The following PP2D1 variants were observed in gnomAD, a reference collection of about 807,000 sequenced individuals.
PP2D1 encodes the protein protein phosphatase 2C-like domain-containing protein 1.
Under a neutral mutation model 30.2 loss-of-function variants are expected in PP2D1, and 25 were observed. The ratio of observed to expected loss-of-function variants is 0.83; its 90% CI spans 0.60 to 1.16. The LOEUF is 1.16. Among genes scored for constraint, PP2D1 ranks in the 50% most tolerant of loss-of-function variants. The pLI is 0.00. For synonymous variants in PP2D1, 260 were observed against 258.9 expected (o/e 1.00, Z -0.04); for missense variants, 760 against 742.4 (o/e 1.02, Z -0.28).
rs560011573 is a variant in PP2D1, at chr3:19,989,072, G to A, written c.1091-2890C>T. Among the ~76,000 whole-genome samples the A allele has an allele frequency of 3.3e-5, 5 of 152,302 alleles. No homozygotes were observed. In the South Asian group the frequency reaches 1.0e-3, roughly 32 times the overall value. ...ATTGGTGGCCAGTGTGGTGGCTCAT[G>A]CCTGTAATTGCAGCACTCTGGGAGG... On this transcript the variant is annotated intron_variant, in intron 2 of 2. Transcript: ENST00000389050.
At chr3:19,991,084 C>G (rs575984644) in intron 2 of PP2D1, among the ~76,000 whole-genome samples, 1 of 152,252 alleles carries the variant, frequency 6.6e-6, no homozygotes, top group Admixed American at 6.5e-5. Context: ...AGATTGCGCT[C>G]TTCAGAAAAT....
At chr3:20,002,987 G>A (rs1269630906) in intron 1 of PP2D1, among the ~76,000 whole-genome samples, 5 of 151,890 alleles carry the variant, frequency 3.3e-5, no homozygotes, top group Non-Finnish European at 5.9e-5. Flanking sequence ...CCTGGGAGAC[G>A]GAGGTTGCAG....
In PP2D1 at chr3:20,001,788, T is replaced by C; in HGVS notation, c.332A>G (p.Gln111Arg). ...TGACAATAGTTTAGAAATCATGAAC[T>C]GTCTCTGAACAGCAATCACTGAGGG... ...PQPSVIAVQR[Q>R]FMISKLLSSF... The change falls in exon 2 of 3, where the codon CAG becomes CGG. Residue 111 changes from glutamine to arginine, a missense_variant. Physicochemically the swap from Gln to Arg is conservative, Grantham distance 43 (BLOSUM62 1). Coordinates refer to ENST00000389050, the MANE Select transcript of PP2D1 (RefSeq NM_001252657.2). 6.5e-7 allele frequency: 1 copy of C among 1,534,464 alleles called. No homozygotes were observed. The highest frequency in any genetic ancestry group is 8.7e-7 in the Non-Finnish European group (1 of 1,146,378).
Position 20,001,739 on chromosome 3 carries a change from G to A in PP2D1, c.381C>T (p.Thr127=), listed in dbSNP as rs770147141. ...LLSSFMFTEK[T]LQSINNAFEL... is the part of the protein sequence containing the mutation. ...CAAAAGCATTATTAATGCTCTGTAGGGTTTTTTCAGTGAACATAAAAGATG... is the reference window on the plus strand; with the variant it reads ...CAAAAGCATTATTAATGCTCTGTAGAGTTTTTTCAGTGAACATAAAAGATG... Residue 127 remains threonine, a synonymous_variant, in exon 2 of 3, where the codon ACC becomes ACT. Coordinates refer to ENST00000389050, the MANE Select transcript of PP2D1 (RefSeq NM_001252657.2). 1 of 1,531,382 alleles carries A rather than the reference G, an allele frequency of 6.5e-7. No homozygotes were observed. The highest frequency in any genetic ancestry group is 1.2e-5 in the South Asian group (1 of 83,490). The allele number at this position is 1,531,382 out of a possible 1,614,324, so 94.9% of individuals were successfully genotyped here.
chr3:19,981,442 CG>C (rs1341645521), downstream of PP2D1, among the ~76,000 whole-genome samples: 1 of 151,854 alleles, frequency 6.6e-6, no homozygotes, highest in Non-Finnish European at 1.5e-5. Flanking sequence ...GTCGAAACCC[CG>C]TCTCTACTAA....
intron 2 of PP2D1, among the ~76,000 whole-genome samples, chr3:19,992,212 A>G (rs1484319797): frequency 2.0e-5 from 3 of 152,176 alleles, no homozygotes; most frequent in Admixed American, 6.5e-5. Context: ...CATGAAATTC[A>G]TGTCCATTGT....
In PP2D1 at chr3:20,012,118, C is replaced by T. The variant is rs1379569443; in HGVS notation, c.-46G>A. The T allele has an allele frequency of 2.7e-6, 4 of 1,483,110 alleles. No individual in the cohort carries two copies. The highest frequency in any genetic ancestry group is 3.6e-6 in the Non-Finnish European group (4 of 1,102,682). The allele number at this position is 1,483,110 out of a possible 1,614,324, so 91.9% of individuals were successfully genotyped here. ...CTTTGCCCTCCCTTTATCCCCTTCC[C>T]CTGGCCTCTATTTCTCCAACTTGAG... On this transcript the variant is annotated 5_prime_UTR_variant, in exon 1 of 3. Coordinates refer to ENST00000389050, the MANE Select transcript of PP2D1 (RefSeq NM_001252657.2).
chr3:19,993,802 C>T (rs1370553265), intron 2 of PP2D1, among the ~76,000 whole-genome samples: 1 of 152,034 alleles, frequency 6.6e-6, no homozygotes, highest in East Asian at 1.9e-4. Context: ...TGCAGTAGTG[C>T]GATCTCAGCT....
intron 1 of PP2D1, among the ~76,000 whole-genome samples, chr3:20,004,627 C>G (rs778282844): frequency 6.6e-6 from 1 of 152,144 alleles, no homozygotes; most frequent in Non-Finnish European, 1.5e-5. Context: ...TGATATATTT[C>G]TGGAAAGCAG....
intron 1 of PP2D1, among the ~76,000 whole-genome samples, chr3:20,005,186 CTT>C (rs1380813757): frequency 6.6e-6 from 1 of 151,196 alleles, no homozygotes; most frequent in Non-Finnish European, 1.5e-5. Flanking sequence ...GAGTTTCGCT[CTT>C]GTTGCCCAGC....
downstream of PP2D1, chr3:19,983,850 GTCT>G: frequency 7.0e-7 from 1 of 1,419,860 alleles, no homozygotes; most frequent in Non-Finnish European, 9.9e-7. Context: ...AGCTGGAATA[GTCT>G]TCTGCTTCCT....
chr3:19,981,042 AC>A (rs1696916087), downstream of PP2D1, among the ~76,000 whole-genome samples: 1 of 152,206 alleles, frequency 6.6e-6, no homozygotes, highest in Non-Finnish European at 1.5e-5. Context: ...TTAGAGTCTT[AC>A]CATAGTGGTC....
intron 2 of PP2D1, among the ~76,000 whole-genome samples, chr3:19,996,021 T>C (rs976309514): frequency 6.6e-6 from 1 of 151,928 alleles, no homozygotes; most frequent in South Asian, 2.1e-4. Context: ...AACGTAACAA[T>C]GCACTGCAAG....
intron 2 of PP2D1, chr3:19,996,909 C>T (rs1012529525): frequency 6.6e-6 from 1 of 151,880 alleles, no homozygotes; most frequent in Non-Finnish European, 1.5e-5. Flanking sequence ...TGTAATACAG[C>T]AAGCATTAAA....
intron 2 of PP2D1, among the ~76,000 whole-genome samples, chr3:19,989,719 T>G (rs1459559096): frequency 1.3e-5 from 2 of 152,144 alleles, no homozygotes; most frequent in Non-Finnish European, 1.5e-5. Flanking sequence ...TGAGAAAAAT[T>G]TTTACGTGTG....
At chr3:20,002,714 G>T (rs1461798510) in intron 1 of PP2D1, among the ~76,000 whole-genome samples, 1 of 152,158 alleles carries the variant, frequency 6.6e-6, no homozygotes, top group Non-Finnish European at 1.5e-5. Flanking sequence ...GAGGTCAGGA[G>T]TTCAAGACCA....
In PP2D1 at chr3:20,012,250, C is replaced by T; in HGVS notation, c.-178G>A. On this transcript the variant is annotated 5_prime_UTR_variant, in exon 1 of 3. Coordinates refer to ENST00000389050, the MANE Select transcript of PP2D1 (RefSeq NM_001252657.2). ...GCATTCCCCTCACTTGATGGTAGAG[C>T]TCCCTGTGTGGAATGTTCACTACAT... 1 of 610,564 alleles carries T rather than the reference C, an allele frequency of 1.6e-6. No individual in the cohort carries two copies. Among genetic ancestry groups the T allele is most frequent in the East Asian group, 2.8e-5 (1 of 36,114 alleles). 37.8% of individuals were successfully genotyped at this position (610,564 alleles called of 1,614,324 possible). A position where few individuals can be genotyped will look rare whatever the true frequency, so the allele number is the denominator to read the frequency against.
chr3:19,983,363 AG>A (rs1364264166), downstream of PP2D1, among the ~76,000 whole-genome samples: 39 of 150,888 alleles, frequency 2.6e-4, no homozygotes, highest in African/African-American at 8.7e-4. Flanking sequence ...AAAAAAAAAA[AG>A]AAGTAATAAT....
chr3:19,990,713 T>G (rs1349889048), intron 2 of PP2D1, among the ~76,000 whole-genome samples: 2 of 151,490 alleles, frequency 1.3e-5, no homozygotes, highest in African/African-American at 4.8e-5. Flanking sequence ...AACAGAATAA[T>G]GAACAAAAGG....
Sources: gnomAD v4.1 joint callset for allele counts (sites outside exome capture counted in the v4.1 genomes callset) on GRCh38, gnomAD v4.1.1 for gene constraint, MANE v1.5 for transcripts, NCBI Gene and HGNC (gene_info 2026-07-23, HGNC 2026-07-21) for gene names.